Variants in FANCD2 observed in about 807,000 individuals in gnomAD.
FANCD2 encodes the protein Fanconi anemia group D2 protein.
Under a neutral mutation model 192.3 loss-of-function variants are expected in FANCD2, and 131 were observed. The observed-to-expected ratio is 0.68, with a 90% confidence interval of 0.59 to 0.79. The LOEUF (loss-of-function observed/expected upper bound fraction) is 0.79. Ranked by LOEUF, FANCD2 falls within the 30% of genes least tolerant of loss-of-function variation. FANCD2 has a pLI of 0.00. For missense variants in FANCD2, 1,508 were observed against 1,701.6 expected (o/e 0.89, Z 2.00); for synonymous variants, 524 against 612.5 (o/e 0.86, Z 2.13).
chr3:10,029,523 C>T (rs1440666108), intron 2 of FANCD2, among the ~76,000 whole-genome samples: 3 of 151,750 alleles, frequency 2.0e-5, no homozygotes. Context: ...GAGTGGGGGG[C>T]GGGGAGGTTG....
At chr3:10,033,044 AT>A in intron 3 of FANCD2, 72 bp downstream of exon 3, 2 of 1,199,206 alleles carry the variant, frequency 1.7e-6, no homozygotes, top group East Asian at 4.7e-5. Flanking sequence ...GGTTTTCTAA[AT>A]AGAGAGGCAA....
At chr3:10,088,567 G>T (rs1455261756) in intron 35 of FANCD2, 25 bp downstream of exon 35, 1 of 1,462,330 alleles carries the variant, frequency 6.8e-7, no homozygotes, top group South Asian at 1.1e-5. Context: ...TTCTTCCAAT[G>T]AGCCAAATAG....
intron 19 of FANCD2, among the ~76,000 whole-genome samples, chr3:10,060,859 G>A (rs769712384): frequency 1.9e-4 from 29 of 152,064 alleles, no homozygotes; most frequent in Non-Finnish European, 4.4e-5. Flanking sequence ...AAGAAATATC[G>A]GTTTGGGGGC....
At position 10,081,306 on chromosome 3, in the gene FANCD2, A is replaced by G. The variant is rs371258999; in HGVS notation, c.3106-40A>G. ...GCTGAGAAAAAGGAAAATGAGGACA[A>G]TTACTGAAGCAACTGTCCTAAAATC... On this transcript the variant is annotated intron_variant, in intron 31 of 43. Transcript: ENST00000675286. 1.2e-4 allele frequency: 200 copies of G among 1,609,080 alleles called. 2 individuals are homozygous for G. In the South Asian group the frequency reaches 1.9e-3, roughly 16 times the overall value.
chr3:10,054,775 A>G (rs182677780), intron 18 of FANCD2, among the ~76,000 whole-genome samples: 32 of 150,544 alleles, frequency 2.1e-4, no homozygotes, highest in African/African-American at 7.8e-4. Context: ...GAGCCACCGC[A>G]CCCGGCCACA....
chr3:10,040,033 C>CT (rs570512566), intron 9 of FANCD2, 188 bp downstream of exon 9: 35,136 of 341,044 alleles, frequency 0.1, 158 homozygotes, highest in South Asian at 0.13. Flanking sequence ...CACATACTTT[C>CT]TTTTTTTTTT....
intron 41 of FANCD2, 104 bp from the exon 42 acceptor site, chr3:10,096,222 C>A: frequency 8.3e-7 from 1 of 1,211,536 alleles, no homozygotes; most frequent in Non-Finnish European, 1.2e-6. Flanking sequence ...TTGGCCCATA[C>A]TGGCAGGGCT....
At chr3:10,069,566 A>G (rs1455572980) in intron 26 of FANCD2, among the ~76,000 whole-genome samples, 2 of 147,530 alleles carry the variant, frequency 1.4e-5, no homozygotes, top group African/African-American at 5.1e-5. Flanking sequence ...TCCCTGCCTG[A>G]TTCTCCTGCC....
intron 26 of FANCD2, among the ~76,000 whole-genome samples, chr3:10,069,586 C>T (rs1306278924): frequency 2.0e-5 from 3 of 151,418 alleles, no homozygotes; most frequent in African/African-American, 7.3e-5. Flanking sequence ...CTCAGCCTGC[C>T]GAGTGCCTGC....
Position 10,101,920 on chromosome 3 carries a change from G to A in FANCD2, c.*658G>A, listed in dbSNP as rs1695318935. On this transcript the variant is annotated 3_prime_UTR_variant, in exon 44 of 44. Coordinates refer to ENST00000675286, the MANE Select transcript of FANCD2 (RefSeq NM_001018115.3). Reference sequence around the variant, plus strand: ...TGTACCAATTTTACAAATAAATTCTGTTCTAAGTTCTGCCTCAGTTGCCTC... The same window carrying A: ...TGTACCAATTTTACAAATAAATTCTATTCTAAGTTCTGCCTCAGTTGCCTC... 5.5e-6 allele frequency: 1 copy of A among 181,744 alleles called. No homozygotes were observed. Among genetic ancestry groups the A allele is most frequent in the Admixed American group, 6.3e-5 (1 of 15,964 alleles). The allele number at this position is 181,744 out of a possible 1,614,324, so 11.3% of individuals were successfully genotyped here.
At position 10,042,422 on chromosome 3, in the gene FANCD2, A is replaced by G. The variant is rs1408513770; in HGVS notation, c.784-137A>G. On this transcript the variant is annotated intron_variant, in intron 10 of 43. Coordinates refer to ENST00000675286, the MANE Select transcript of FANCD2 (RefSeq NM_001018115.3). ...ATTCTAATTTGGGGAAAAATCTAAA[A>G]TTTTGTTTTTCCCTAAATTATAAGT... 22 of 734,648 alleles carry G rather than the reference A, an allele frequency of 3.0e-5. No individual in the cohort carries two copies. In the East Asian group the frequency reaches 5.8e-4, roughly 19 times the overall value. 45.5% of individuals were successfully genotyped at this position (734,648 alleles called of 1,614,324 possible).
At chr3:10,043,396 G>A (rs1185034749) in intron 12 of FANCD2, 88 bp from the exon 13 acceptor site, 6 of 1,053,092 alleles carry the variant, frequency 5.7e-6, no homozygotes, top group Non-Finnish European at 7.4e-6. Flanking sequence ...GTTGTCATTT[G>A]CTCCAGGGTA....
chr3:10,028,904 T>C (rs1359646108), intron 2 of FANCD2, among the ~76,000 whole-genome samples, 183 bp downstream of exon 2: 1 of 152,190 alleles, frequency 6.6e-6, no homozygotes, highest in Non-Finnish European at 1.5e-5. Context: ...CGTATAACTT[T>C]GAGTATGACC....
Position 10,043,443 on chromosome 3 carries a change from G to T in FANCD2, c.990-41G>T, listed in dbSNP as rs1287152717. The T allele has an allele frequency of 4.0e-6, 6 of 1,500,062 alleles. No homozygotes were observed. The African/African-American group carries it at 8.3e-5, about 21-fold the overall frequency. The allele number at this position is 1,500,062 out of a possible 1,614,324, so 92.9% of individuals were successfully genotyped here. A position where few individuals can be genotyped will look rare whatever the true frequency, so the allele number is the denominator to read the frequency against. ...CTCCGATCTTGTAAGTTCTTTTCTG[G>T]TACGTAGAAGAGTAATTTTTTTCCT... On this transcript the variant is annotated intron_variant, in intron 12 of 43. Coordinates refer to ENST00000675286, the MANE Select transcript of FANCD2 (RefSeq NM_001018115.3).
At chr3:10,030,297 G>A (rs1017253879) in intron 2 of FANCD2, among the ~76,000 whole-genome samples, 4 of 150,636 alleles carry the variant, frequency 2.7e-5, no homozygotes, top group Non-Finnish European at 5.9e-5. Flanking sequence ...GGGTTTCACC[G>A]TGTTAGTCAG....
At chr3:10,042,801 T>C in intron 11 of FANCD2, 138 bp downstream of exon 11, 1 of 817,190 alleles carries the variant, frequency 1.2e-6, no homozygotes, top group South Asian at 1.4e-5. Context: ...AACAGATTCA[T>C]TGATCTATAT....
At chr3:10,034,242 T>C (rs895100042) in intron 3 of FANCD2, among the ~76,000 whole-genome samples, 5 of 147,944 alleles carry the variant, frequency 3.4e-5, no homozygotes, top group African/African-American at 1.3e-4. Flanking sequence ...GGAGAATCAT[T>C]TGAACCCAGG....
intron 14 of FANCD2, among the ~76,000 whole-genome samples, chr3:10,044,465 T>C (rs1340602257): frequency 1.4e-4 from 22 of 151,866 alleles, no homozygotes; most frequent in Admixed American, 3.9e-4. Context: ...GTCAGGAGTT[T>C]GAGACCAGCC....
chr3:10,092,083 G>C (rs1694645774), intron 37 of FANCD2, 98 bp from the exon 38 acceptor site: 2 of 900,870 alleles, frequency 2.2e-6, no homozygotes, highest in Admixed American at 3.4e-5. Context: ...TTAAATATCT[G>C]TATAGCTATG....
Sources: gnomAD v4.1 joint callset for allele counts (sites outside exome capture counted in the v4.1 genomes callset) on GRCh38, gnomAD v4.1.1 for gene constraint, MANE v1.5 for transcripts, NCBI Gene and HGNC (gene_info 2026-07-23, HGNC 2026-07-21) for gene names.